IGSF11: variants seen among roughly 807,000 people sequenced by gnomAD.
IGSF11 encodes the protein immunoglobulin superfamily member 11.
IGSF11 carries 22 observed loss-of-function variants against 41.0 expected under a neutral mutation model. The ratio of observed to expected loss-of-function variants is 0.54; its 90% CI spans 0.38 to 0.77. The LOEUF is 0.77. Among genes scored for constraint, IGSF11 ranks in the 30% least tolerant of loss-of-function variants. The pLI is 0.00. For missense variants in IGSF11, 444 were observed against 530.8 expected (o/e 0.84, Z 1.61); for synonymous variants, 219 against 201.3 (o/e 1.09, Z -0.74).
At chr3:119,008,021 A>AT (rs1309691632) in intron 1 of IGSF11, among the ~76,000 whole-genome samples, 3 of 152,180 alleles carry the variant, frequency 2.0e-5, no homozygotes, top group African/African-American at 7.2e-5. Context: ...CTTCCATGTT[A>AT]ATCTACTCCA....
intron 1 of IGSF11, among the ~76,000 whole-genome samples, chr3:119,135,465 C>T (rs1369174008): frequency 6.6e-6 from 1 of 152,146 alleles, no homozygotes; most frequent in Non-Finnish European, 1.5e-5. Context: ...TGAAAAAATG[C>T]TCATCATCAC....
intron 3 of IGSF11, among the ~76,000 whole-genome samples, chr3:118,928,030 G>T (rs992316899): frequency 2.6e-5 from 4 of 152,126 alleles, no homozygotes; most frequent in African/African-American, 9.7e-5. Flanking sequence ...GATACTTGGG[G>T]GAGTAAAAGG....
chr3:119,034,722 T>G lies in IGSF11; in HGVS notation c.-140A>C, dbSNP rs1033169275. On this transcript the variant is annotated 5_prime_UTR_variant, in exon 1 of 7. Transcript: ENST00000393775. ...CGGGCCGCTGTTCCCCGCGCAGAGCTGGGACTGTCAGACCCACAGACGAGC... is the reference window on the plus strand; with the variant it reads ...CGGGCCGCTGTTCCCCGCGCAGAGCGGGGACTGTCAGACCCACAGACGAGC... 7.3e-6 allele frequency: 10 copies of G among 1,364,548 alleles called. No individual in the cohort carries two copies. Among genetic ancestry groups the G allele is most frequent in the Non-Finnish European group, 9.5e-6 (10 of 1,054,642 alleles). 84.5% of individuals were successfully genotyped at this position (1,364,548 alleles called of 1,614,324 possible). A position where few individuals can be genotyped will look rare whatever the true frequency, so the allele number is the denominator to read the frequency against.
At chr3:119,075,144 G>T (rs931423655) in intron 1 of IGSF11, among the ~76,000 whole-genome samples, 1 of 151,906 alleles carries the variant, frequency 6.6e-6, no homozygotes, top group Non-Finnish European at 1.5e-5. Flanking sequence ...ATGACAAAGG[G>T]GACATTACCA....
chr3:119,107,284 C>T (rs2077048378), upstream of IGSF11, among the ~76,000 whole-genome samples: 2 of 152,318 alleles, frequency 1.3e-5, no homozygotes, highest in South Asian at 4.1e-4. Context: ...ACCATTCTAA[C>T]TGGTGTGAGA....
upstream of IGSF11, among the ~76,000 whole-genome samples, chr3:119,106,705 T>C (rs184800304): frequency 2.3e-4 from 35 of 152,234 alleles, no homozygotes; most frequent in Non-Finnish European, 4.7e-4. Context: ...TCGTTTAGCA[T>C]CAGGTATATC....
At chr3:119,018,011 T>C (rs1366155608) in intron 1 of IGSF11, among the ~76,000 whole-genome samples, 1 of 152,104 alleles carries the variant, frequency 6.6e-6, no homozygotes, top group Non-Finnish European at 1.5e-5. Context: ...TTTATACCTC[T>C]TTCCTATCAC....
intron 1 of IGSF11, among the ~76,000 whole-genome samples, chr3:119,020,053 G>A (rs1939136310): frequency 6.6e-6 from 1 of 152,152 alleles, no homozygotes; most frequent in African/African-American, 2.4e-5. Context: ...TCATATGCCA[G>A]GAAGCAAGCT....
upstream of IGSF11, among the ~76,000 whole-genome samples, chr3:119,109,395 C>A (rs544961379): frequency 2.0e-5 from 3 of 152,106 alleles, no homozygotes; most frequent in African/African-American, 7.2e-5. Flanking sequence ...TTGTAGTATT[C>A]TCTGATGGTA....
At chr3:119,034,037 T>C (rs1940670354) in intron 1 of IGSF11, among the ~76,000 whole-genome samples, 1 of 152,236 alleles carries the variant, frequency 6.6e-6, no homozygotes, top group South Asian at 2.1e-4. Context: ...TAGCACAGTA[T>C]ACAATTAGTT....
intron 4 of IGSF11, among the ~76,000 whole-genome samples, chr3:118,914,547 C>G (rs1004332594): frequency 6.6e-6 from 1 of 151,530 alleles, no homozygotes; most frequent in African/African-American, 2.4e-5. Flanking sequence ...GCTTTTCAGA[C>G]CGGCTTAAAA....
intron 1 of IGSF11, among the ~76,000 whole-genome samples, chr3:119,064,952 C>T (rs1165351373): frequency 1.3e-5 from 2 of 152,068 alleles, no homozygotes; most frequent in African/African-American, 4.8e-5. Context: ...ACAATCATGT[C>T]ATGTAAAAAT....
intron 1 of IGSF11, among the ~76,000 whole-genome samples, chr3:119,051,559 A>G (rs535861438): frequency 6.6e-6 from 1 of 152,304 alleles, no homozygotes; most frequent in Admixed American, 6.5e-5. Context: ...TAACAGCACT[A>G]AACAAGTTAT....
chr3:118,908,472 T>G (rs1310668172), intron 4 of IGSF11, among the ~76,000 whole-genome samples: 1 of 152,186 alleles, frequency 6.6e-6, no homozygotes, highest in Admixed American at 6.5e-5. Flanking sequence ...CAGCAGACTG[T>G]TTGCAGCCAC....
chr3:119,105,354 C>A (rs929870938), upstream of IGSF11: 2 of 567,516 alleles, frequency 3.5e-6, no homozygotes, highest in South Asian at 2.4e-5. Context: ...GGATGGAAAC[C>A]ATTTCATCAG....
intron 1 of IGSF11, among the ~76,000 whole-genome samples, chr3:118,968,630 G>A (rs182968244): frequency 1.3e-5 from 2 of 152,292 alleles, no homozygotes; most frequent in East Asian, 3.9e-4. Context: ...ACACAAGACA[G>A]AGCAATAACT....
At chr3:119,020,949 ATTGAACATCTCTTTATAACTCACAGTGG>A (rs1434582441) in intron 1 of IGSF11, among the ~76,000 whole-genome samples, 2 of 152,248 alleles carry the variant, frequency 1.3e-5, no homozygotes, top group Non-Finnish European at 2.9e-5. Context: ...CAGATATCAT[ATTGAACATCTCTTTATAACTCACAGTGG>A]TGTATATAGC....
chr3:119,101,992 A>G (rs2076946919), intron 1 of IGSF11, among the ~76,000 whole-genome samples: 1 of 152,180 alleles, frequency 6.6e-6, no homozygotes, highest in Non-Finnish European at 1.5e-5. Flanking sequence ...TTAGCTTCTA[A>G]TTATAAAAAG....
chr3:118,977,161 T>C (rs1009510921), intron 1 of IGSF11, among the ~76,000 whole-genome samples: 2 of 152,240 alleles, frequency 1.3e-5, no homozygotes, highest in Admixed American at 6.5e-5. Flanking sequence ...TTTCTTTTAA[T>C]GTTGCCCTGG....
Sources: allele counts gnomAD v4.1 joint callset (sites outside exome capture counted in the v4.1 genomes callset), GRCh38; gene constraint gnomAD v4.1.1; transcripts MANE v1.5; gene names NCBI Gene and HGNC (gene_info 2026-07-23, HGNC 2026-07-21).